The following CFAP43 variants were observed in gnomAD, a reference collection of about 807,000 sequenced individuals.
The protein encoded by CFAP43 is cilia and flagella associated protein 43.
A neutral mutation model predicts 218.9 loss-of-function variants in CFAP43; 155 were observed. The observed-to-expected ratio is 0.71, with a 90% CI of 0.62 to 0.81. CFAP43 has a LOEUF of 0.81. Among genes scored for constraint, CFAP43 ranks in the 30% least tolerant of loss-of-function variants. The pLI is 0.00. For synonymous variants in CFAP43, 645 were observed against 681.3 expected (o/e 0.95, Z 0.83); for missense variants, 1,778 against 1,954.3 (o/e 0.91, Z 1.70).
At chr10:104,208,210 T>C (rs767055406) in intron 5 of CFAP43, among the ~76,000 whole-genome samples, 22 of 152,228 alleles carry the variant, frequency 1.4e-4, no homozygotes, top group Non-Finnish European at 2.6e-4. Context: ...ATCACCATTA[T>C]TGAAAAGTTT....
rs748912495 is a variant in CFAP43 at position 104,203,716 on chromosome 10, T to C, written c.1051A>G (p.Thr351Ala). 1 of 1,611,838 alleles carries C rather than the reference T, an allele frequency of 6.2e-7. No individual in the cohort carries two copies. The highest frequency in any genetic ancestry group is 8.5e-7 in the Non-Finnish European group (1 of 1,179,124). Residue 351 changes from threonine to alanine, a missense_variant, in exon 8 of 38, where the codon ACA (threonine) becomes GCA (alanine). By Grantham distance (58) the Thr-to-Ala change is moderately conservative. Coordinates refer to ENST00000357060, the MANE Select transcript of CFAP43 (RefSeq NM_025145.7). ...AACACTGTATAATTGGGAGAAAATG[T>C]CATATGTTCTACAGGTCTTTCAATC... is the stretch of plus-strand genomic sequence containing the variant. Reference protein sequence around the residue: ...LEIERPVEHMTFSPNYTVLLI... With the variant: ...LEIERPVEHMAFSPNYTVLLI...
rs752633786 is a variant in CFAP43, at chr10:104,142,313, C to T, written c.4239G>A (p.Gln1413=). 1.8e-5 allele frequency: 29 copies of T among 1,613,520 alleles called. No individual in the cohort carries two copies. In the South Asian group the frequency reaches 3.0e-4, roughly 17 times the overall value. ...GTTCATGGAACACTCTCTCAATCTC[C>T]TGTTGCACCTTCTCTTCCTCCTCAA... ...KRVEEEEKVQ[Q]EIERVFHELI... is the part of the protein sequence containing the mutation. The change falls in exon 33 of 38, where the codon CAG becomes CAA. Residue 1413 remains glutamine (Q), a synonymous_variant. Coordinates refer to ENST00000357060, the MANE Select transcript of CFAP43 (RefSeq NM_025145.7).
At chr10:104,229,727 C>A (rs1020079255) in intron 2 of CFAP43, among the ~76,000 whole-genome samples, 3 of 152,092 alleles carry the variant, frequency 2.0e-5, no homozygotes, top group Admixed American at 1.3e-4. Context: ...ACTTGGCATA[C>A]ATACACATAC....
At position 104,188,378 on chromosome 10, in the gene CFAP43, CTG is replaced by C. The variant is rs768097513; in HGVS notation, c.1577_1578del (p.Thr526SerfsTer43). 6.8e-6 allele frequency: 11 copies of C among 1,613,932 alleles called. No individual in the cohort carries two copies. The East Asian group carries it at 1.1e-4, about 16-fold the overall frequency. ...ACTATGTCTGTTTCTAAAAGAGACA[CTG>C]TGGATATCTGTAAAATGTCTTTGGC... ...EVAKDILQIS[T>X]VSLLETDIVE... On this transcript the variant is annotated frameshift_variant, in exon 13 of 38. Transcript: ENST00000357060. LOFTEE classifies it high-confidence loss of function.
chr10:104,159,993 A>T (rs2088790128), intron 27 of CFAP43, among the ~76,000 whole-genome samples: 1 of 152,184 alleles, frequency 6.6e-6, no homozygotes, highest in South Asian at 2.1e-4. Flanking sequence ...CCCAGTTGAG[A>T]TTAAGGTCAT....
chr10:104,171,128 T>C (rs921198627), intron 20 of CFAP43, among the ~76,000 whole-genome samples: 2 of 152,230 alleles, frequency 1.3e-5, no homozygotes, highest in African/African-American at 4.8e-5. Context: ...ATCCAGTTTG[T>C]TTCCATCATA....
chr10:104,167,855 G>C, intron 21 of CFAP43, 118 bp from the exon 22 acceptor site: 1 of 632,642 alleles, frequency 1.6e-6, no homozygotes, highest in East Asian at 2.9e-5. Context: ...TCATGTGTTA[G>C]TAAAATTGAC....
intron 3 of CFAP43, among the ~76,000 whole-genome samples, chr10:104,215,498 C>T (rs1005933875): frequency 6.6e-6 from 1 of 152,126 alleles, no homozygotes; most frequent in Non-Finnish European, 1.5e-5. Context: ...CATCAGGTAC[C>T]TGGCAAAGAC....
chr10:104,212,219 C>T (rs2090885946), intron 4 of CFAP43, 62 bp from the exon 5 acceptor site: 4 of 1,531,128 alleles, frequency 2.6e-6, no homozygotes, highest in Non-Finnish European at 3.6e-6. Context: ...GATGCAACCA[C>T]TGCATATCAG....
In CFAP43 at chr10:104,196,848, C is replaced by T. The variant is rs2090394978; in HGVS notation, c.1293+5G>A. 1 of 1,598,428 alleles carries T rather than the reference C, an allele frequency of 6.3e-7. No individual in the cohort carries two copies. The highest frequency in any genetic ancestry group is 1.3e-5 in the African/African-American group (1 of 74,116). ...TTTTAAAATCCATTTATCAAGTATA[C>T]TTACTAGGGTATTCAGATAAATCTT... On this transcript the variant is annotated splice_donor_5th_base_variant and intron_variant, in intron 10 of 37. Transcript: ENST00000357060.
intron 19 of CFAP43, among the ~76,000 whole-genome samples, chr10:104,176,080 C>G (rs1012134318): frequency 2.6e-5 from 4 of 151,646 alleles, no homozygotes; most frequent in Admixed American, 2.6e-4. Flanking sequence ...TAAAGAAGGG[C>G]AAAAGGAGAA....
At chr10:104,166,283 A>G (rs1368202221) in intron 23 of CFAP43, among the ~76,000 whole-genome samples, 2 of 152,140 alleles carry the variant, frequency 1.3e-5, no homozygotes, top group South Asian at 2.1e-4. Flanking sequence ...CATGTTAGCT[A>G]GGATGGTCTC....
intron 17 of CFAP43, among the ~76,000 whole-genome samples, chr10:104,180,593 G>A (rs562696398): frequency 2.6e-4 from 39 of 151,712 alleles, no homozygotes; most frequent in Non-Finnish European, 4.9e-4. Context: ...CTACAGGTGC[G>A]TGCCACCACA....
At chr10:104,166,341 G>A (rs2089150136) in intron 23 of CFAP43, 147 bp downstream of exon 23, 2 of 627,240 alleles carry the variant, frequency 3.2e-6, no homozygotes, top group East Asian at 5.6e-5. Flanking sequence ...CAAAGTACTG[G>A]GATTACAGGT....
At chr10:104,179,394 C>T (rs1391280320) in intron 18 of CFAP43, among the ~76,000 whole-genome samples, 2 of 152,132 alleles carry the variant, frequency 1.3e-5, no homozygotes, top group African/African-American at 4.8e-5. Flanking sequence ...CCAGTATGCA[C>T]TTTTATCGGG....
intron 15 of CFAP43, 121 bp from the exon 16 acceptor site, chr10:104,185,267 T>A: frequency 7.6e-7 from 1 of 1,323,878 alleles, no homozygotes; most frequent in Non-Finnish European, 1.0e-6. Context: ...AACAGCATTT[T>A]AATTGGTATG....
intron 7 of CFAP43, among the ~76,000 whole-genome samples, chr10:104,204,717 G>A (rs1239697622): frequency 6.6e-6 from 1 of 152,170 alleles, no homozygotes; most frequent in African/African-American, 2.4e-5. Flanking sequence ...AAGTGTAGGT[G>A]TATGTGCTCC....
intron 22 of CFAP43, 175 bp downstream of exon 22, chr10:104,167,446 G>T: frequency 2.5e-6 from 1 of 402,820 alleles, no homozygotes; most frequent in Non-Finnish European, 4.3e-6. Context: ...TTGATTTATT[G>T]TGTGGATATA....
intron 24 of CFAP43, among the ~76,000 whole-genome samples, chr10:104,163,406 T>C (rs2088980611): frequency 6.6e-6 from 1 of 152,148 alleles, no homozygotes; most frequent in East Asian, 1.9e-4. Context: ...TCCCCAGGAG[T>C]CAAGTTGGTT....
Sources: gnomAD v4.1 joint callset for allele counts (sites outside exome capture counted in the v4.1 genomes callset) on GRCh38, gnomAD v4.1.1 for gene constraint, MANE v1.5 for transcripts, NCBI Gene and HGNC (gene_info 2026-07-23, HGNC 2026-07-21) for gene names.